Variants in PALLD observed in about 807,000 individuals in gnomAD.
PALLD encodes the protein palladin, cytoskeletal associated protein.
Under a neutral mutation model 123.5 loss-of-function variants are expected in PALLD, and 61 were observed. That is an observed-to-expected ratio of 0.49 (90% CI 0.40 to 0.61). The LOEUF (loss-of-function observed/expected upper bound fraction) is 0.61, where lower values mean the gene tolerates loss of function less well. Among genes scored for constraint, PALLD ranks in the 20% least tolerant of loss-of-function variants. The pLI is 0.00. For synonymous variants in PALLD, 465 were observed against 496.4 expected, an observed-to-expected ratio of 0.94 and a Z score of 0.84; for missense variants, 1,273 against 1,377.0, an observed-to-expected ratio of 0.92 and a Z score of 1.20.
chr4:168,720,301 T>C (rs1785868621), intron 10 of PALLD, among the ~76,000 whole-genome samples: 1 of 152,244 alleles, frequency 6.6e-6, no homozygotes, highest in Non-Finnish European at 1.5e-5. Context: ...CCCACTTTAA[T>C]GTTTGAAAGA....
At chr4:168,920,845 C>A (rs1417055303) in intron 17 of PALLD, among the ~76,000 whole-genome samples, 1 of 152,158 alleles carries the variant, frequency 6.6e-6, no homozygotes, top group Non-Finnish European at 1.5e-5. Context: ...AGAAGCTTTA[C>A]AGTACTATAT....
chr4:168,559,906 G>GA (rs889476211), intron 2 of PALLD, among the ~76,000 whole-genome samples: 7 of 147,792 alleles, frequency 4.7e-5, no homozygotes, highest in African/African-American at 9.9e-5. Flanking sequence ...AAGAGAGAGA[G>GA]AAAAAAAAAG....
At chr4:168,907,121 GATA>G (rs149118003) in intron 15 of PALLD, among the ~76,000 whole-genome samples, 40 of 150,930 alleles carry the variant, frequency 2.7e-4, no homozygotes, top group South Asian at 2.5e-3. Flanking sequence ...AAATGAGGAT[GATA>G]ATAATAATAA....
intron 10 of PALLD, chr4:168,832,080 T>C: frequency 1.0e-6 from 1 of 981,890 alleles, no homozygotes; most frequent in South Asian, 4.7e-5. Context: ...GCCCGATACC[T>C]GCCCCGCGCC....
In PALLD at chr4:168,878,063, C is replaced by T. The variant is rs1752033511; in HGVS notation, c.1965-12859C>T. 1.4e-6 allele frequency: 2 copies of T among 1,473,844 alleles called. No homozygotes were observed. The highest frequency in any genetic ancestry group is 2.4e-5 in the Admixed American group (1 of 42,066). 91.3% of individuals were successfully genotyped at this position (1,473,844 alleles called of 1,614,324 possible). A position where few individuals can be genotyped will look rare whatever the true frequency, so the allele number is the denominator to read the frequency against. On this transcript the variant is annotated intron_variant, in intron 10 of 21. Coordinates refer to ENST00000505667, the MANE Select transcript of PALLD (RefSeq NM_001166108.2). Reference sequence around the variant, plus strand: ...CCTCCCGTCGCCCATGTCCCCGACGCCGAGGCAGTTCGGCCGCGCCCCCGT... The same window carrying T: ...CCTCCCGTCGCCCATGTCCCCGACGTCGAGGCAGTTCGGCCGCGCCCCCGT...
intron 10 of PALLD, among the ~76,000 whole-genome samples, chr4:168,845,450 C>A (rs1275690908): frequency 6.6e-6 from 1 of 151,962 alleles, no homozygotes; most frequent in Non-Finnish European, 1.5e-5. Flanking sequence ...AACAGTAATA[C>A]AACAATAGAA....
At chr4:168,627,989 G>A (rs896713480) in intron 2 of PALLD, among the ~76,000 whole-genome samples, 1 of 152,240 alleles carries the variant, frequency 6.6e-6, no homozygotes, top group African/African-American at 2.4e-5. Context: ...TGGCAAGGCC[G>A]TGGGGAAACA....
chr4:168,545,864 T>C (rs1038669777), intron 2 of PALLD, among the ~76,000 whole-genome samples: 19 of 152,206 alleles, frequency 1.2e-4, no homozygotes, highest in Non-Finnish European at 2.5e-4. Context: ...ACAATTATGA[T>C]GGGAAAGGTG....
chr4:168,840,625 G>A (rs1745903941), intron 10 of PALLD, among the ~76,000 whole-genome samples: 1 of 152,112 alleles, frequency 6.6e-6, no homozygotes, highest in African/African-American at 2.4e-5. Flanking sequence ...AATGAACAAC[G>A]TAGTCTGACA....
intron 2 of PALLD, among the ~76,000 whole-genome samples, chr4:168,553,464 A>G (rs541091516): frequency 2.0e-5 from 3 of 152,346 alleles, no homozygotes; most frequent in African/African-American, 7.2e-5. Context: ...TAAGTGACAT[A>G]TTTGCAATCA....
At chr4:168,865,550 T>C (rs1412507150) in intron 10 of PALLD, among the ~76,000 whole-genome samples, 1 of 152,196 alleles carries the variant, frequency 6.6e-6, no homozygotes, top group Non-Finnish European at 1.5e-5. Context: ...TAGAAAATGT[T>C]ATTGGCAACA....
chr4:168,569,176 C>T (rs1315868884), intron 2 of PALLD, among the ~76,000 whole-genome samples: 1 of 152,062 alleles, frequency 6.6e-6, no homozygotes, highest in Non-Finnish European at 1.5e-5. Context: ...ACAATAGCTA[C>T]TCTTATCTGC....
intron 10 of PALLD, among the ~76,000 whole-genome samples, chr4:168,811,219 C>T (rs975908748): frequency 2.0e-5 from 3 of 152,208 alleles, no homozygotes; most frequent in Admixed American, 6.5e-5. Context: ...TGTAAAGTGA[C>T]ATCCCAAACA....
At chr4:168,696,821 A>G (rs1437269587) in intron 8 of PALLD, among the ~76,000 whole-genome samples, 2 of 152,222 alleles carry the variant, frequency 1.3e-5, no homozygotes, top group Admixed American at 1.3e-4. Context: ...GAGAAAAGGC[A>G]ACAAAGTTAG....
intron 10 of PALLD, among the ~76,000 whole-genome samples, chr4:168,726,443 A>T (rs192593246): frequency 6.6e-6 from 1 of 152,290 alleles, no homozygotes; most frequent in East Asian, 1.9e-4. Flanking sequence ...ACCCAGGATC[A>T]TTCATGCTCT....
intron 15 of PALLD, among the ~76,000 whole-genome samples, chr4:168,907,897 A>T (rs1311321276): frequency 6.6e-6 from 1 of 152,176 alleles, no homozygotes; most frequent in East Asian, 1.9e-4. Context: ...AGTTTCTAAC[A>T]CTACCTATTA....
Position 168,670,745 on chromosome 4 carries a change from AAC to A in PALLD, c.1087+2379_1087+2380del, listed in dbSNP as rs1491020687. On this transcript the variant is annotated intron_variant, in intron 3 of 21. Coordinates refer to ENST00000505667, the MANE Select transcript of PALLD (RefSeq NM_001166108.2). ...ACAGAGCGAGACTCCGTCTCAAAAA[AAC>A]AAAAAAAACAAAAAAAACAAAAAAA... Among the ~76,000 whole-genome samples, 24 of 55,670 alleles carry A rather than the reference AAC, an allele frequency of 4.3e-4. 1 individual carries two copies. Among genetic ancestry groups the A allele is most frequent in the African/African-American group, 2.0e-3 (17 of 8,626 alleles). The allele number at this position is 55,670 out of a possible 152,430, so 36.5% of individuals were successfully genotyped here. A position where few individuals can be genotyped will look rare whatever the true frequency, so the allele number is the denominator to read the frequency against.
At chr4:168,610,900 C>G (rs1257320416) in intron 2 of PALLD, among the ~76,000 whole-genome samples, 1 of 152,174 alleles carries the variant, frequency 6.6e-6, no homozygotes, top group Non-Finnish European at 1.5e-5. Flanking sequence ...ACAGGGTGAC[C>G]TCTTTGCCAC....
At chr4:168,673,352 G>A (rs549637365) in intron 3 of PALLD, among the ~76,000 whole-genome samples, 3 of 152,340 alleles carry the variant, frequency 2.0e-5, no homozygotes, top group Admixed American at 1.3e-4. Flanking sequence ...CTGAGAAGGA[G>A]CCAGTAGGGA....
Sources: allele counts gnomAD v4.1 joint callset (sites outside exome capture counted in the v4.1 genomes callset), GRCh38; gene constraint gnomAD v4.1.1; transcripts MANE v1.5; gene names NCBI Gene and HGNC (gene_info 2026-07-23, HGNC 2026-07-21).